L3MBTL4: variants seen among roughly 807,000 people sequenced by gnomAD.
L3MBTL4 encodes L3MBTL histone methyl-lysine binding protein 4.
In L3MBTL4, 70 loss-of-function variants were observed where a neutral mutation model predicts 84.5. The observed-to-expected ratio is 0.83, with a 90% CI of 0.68 to 1.01. L3MBTL4 has a LOEUF of 1.01. L3MBTL4 is among the 50% of genes least tolerant of loss of function. The probability of loss-of-function intolerance (pLI) is 0.00; values close to 1 mark genes in which losing one functional copy is unlikely to be tolerated. For missense variants in L3MBTL4, 715 were observed against 754.8 expected, an observed-to-expected ratio of 0.95 and a Z score of 0.62; for synonymous variants, 274 against 259.8, an observed-to-expected ratio of 1.05 and a Z score of -0.52.
chr18:6,257,636 TTTC>T (rs2048202174), intron 5 of L3MBTL4, among the ~76,000 whole-genome samples: 2 of 150,754 alleles, frequency 1.3e-5, no homozygotes, highest in South Asian at 4.2e-4. Flanking sequence ...TCTTTTTCTT[TTTC>T]TTTTTCTTTT....
chr18:6,062,077 C>T (rs973126399), intron 16 of L3MBTL4, among the ~76,000 whole-genome samples: 5 of 151,934 alleles, frequency 3.3e-5, no homozygotes, highest in African/African-American at 1.2e-4. Context: ...TTCTCTAATG[C>T]TCTTCCTTTA....
intron 16 of L3MBTL4, among the ~76,000 whole-genome samples, chr18:6,074,046 A>C (rs1192102672): frequency 6.6e-6 from 1 of 151,484 alleles, no homozygotes; most frequent in Non-Finnish European, 1.5e-5. Flanking sequence ...AGTTCCTTTA[A>C]TGTGAAGTGT....
At chr18:6,366,465 T>C (rs2053938145) in intron 1 of L3MBTL4, among the ~76,000 whole-genome samples, 1 of 152,216 alleles carries the variant, frequency 6.6e-6, no homozygotes. Context: ...ACTGAATTCT[T>C]AAGACAGAAA....
At chr18:6,185,960 C>CTATTTTATTTTATTTATTTTAT (rs976327212) in intron 12 of L3MBTL4, among the ~76,000 whole-genome samples, 1 of 145,786 alleles carries the variant, frequency 6.9e-6, no homozygotes, top group African/African-American at 2.7e-5. Flanking sequence ...AGGGCACTTT[C>CTATTTTATTTTATTTATTTTAT]TTTATTTTAT....
At chr18:6,076,663 A>G (rs1469054739) in intron 16 of L3MBTL4, among the ~76,000 whole-genome samples, 1 of 123,004 alleles carries the variant, frequency 8.1e-6, no homozygotes, top group Non-Finnish European at 1.6e-5. Flanking sequence ...ATATAATATG[A>G]TTCTGCACTG....
intron 16 of L3MBTL4, among the ~76,000 whole-genome samples, chr18:6,063,762 T>G (rs1458357138): frequency 2.0e-5 from 3 of 152,120 alleles, no homozygotes; most frequent in Non-Finnish European, 4.4e-5. Flanking sequence ...ACTAGTCCTT[T>G]GTTAAATGCA....
At chr18:6,375,591 T>A (rs901430510) in intron 1 of L3MBTL4, among the ~76,000 whole-genome samples, 1 of 152,118 alleles carries the variant, frequency 6.6e-6, no homozygotes. Flanking sequence ...CCTAGTTCCT[T>A]TACTTGAGCC....
intron 16 of L3MBTL4, among the ~76,000 whole-genome samples, chr18:5,989,715 T>A (rs564650103): frequency 6.6e-6 from 1 of 152,302 alleles, no homozygotes; most frequent in African/African-American, 2.4e-5. Context: ...TCCGCAGTTA[T>A]TATGTGCTCT....
At chr18:6,177,790 G>A (rs954649870) in intron 12 of L3MBTL4, among the ~76,000 whole-genome samples, 1 of 152,180 alleles carries the variant, frequency 6.6e-6, no homozygotes, top group African/African-American at 2.4e-5. Context: ...AGGCAACACT[G>A]GTGTTCCTTT....
intron 16 of L3MBTL4, among the ~76,000 whole-genome samples, chr18:6,016,978 TGAGCAGAGGGAGTGGTAAATGGCCCA>T (rs777924772): frequency 1.3e-5 from 2 of 151,638 alleles, no homozygotes; most frequent in African/African-American, 2.4e-5. Flanking sequence ...AGGGCAGAGC[TGAGCAGAGGGAGTGGTAAATGGCCCA>T]GAGCAGAGGG....
chr18:6,335,739 T>G (rs1464333638), intron 1 of L3MBTL4, among the ~76,000 whole-genome samples: 1 of 152,200 alleles, frequency 6.6e-6, no homozygotes, highest in Non-Finnish European at 1.5e-5. Context: ...GATGGTTTTA[T>G]AAGCATTTGA....
chr18:6,192,017 AG>A (rs1250766060), intron 12 of L3MBTL4, among the ~76,000 whole-genome samples: 7 of 131,078 alleles, frequency 5.3e-5, no homozygotes, highest in African/African-American at 3.2e-4. Flanking sequence ...AAAAAAAAAA[AG>A]AAAGAAAGAA....
At chr18:6,213,104 T>C (rs1190955080) in intron 12 of L3MBTL4, 45 bp downstream of exon 12, 1 of 1,091,466 alleles carries the variant, frequency 9.2e-7, no homozygotes, top group Non-Finnish European at 1.3e-6. Context: ...AAAAGTAATG[T>C]AGGAAAAATA....
chr18:6,293,936 T>C (rs748502694), intron 4 of L3MBTL4, among the ~76,000 whole-genome samples: 2 of 152,176 alleles, frequency 1.3e-5, no homozygotes, highest in Non-Finnish European at 2.9e-5. Flanking sequence ...TAATGTGACA[T>C]ATGATTCTGA....
chr18:5,994,735 C>T (rs1043506695), intron 16 of L3MBTL4, among the ~76,000 whole-genome samples: 6 of 152,164 alleles, frequency 3.9e-5, no homozygotes, highest in Non-Finnish European at 7.4e-5. Context: ...CTCCACCAAG[C>T]AGGGGCCCCA....
rs570635993 is a variant in L3MBTL4, at chr18:5,965,555, A to G, written c.1614+3838T>C. ...TCAGCCCTGAACTGCCATTCACATC[A>G]TTGCTGCCCTGCTCGTCATTTTTAC... On this transcript the variant is annotated intron_variant, in intron 17 of 18. Coordinates refer to ENST00000317931, the MANE Select transcript of L3MBTL4 (RefSeq NM_001330559.2). 2.6e-5 allele frequency among the ~76,000 whole-genome samples: 4 copies of G among 152,192 alleles called. No individual in the cohort carries two copies. The South Asian group carries it at 8.3e-4, about 32-fold the overall frequency.
intron 1 of L3MBTL4, among the ~76,000 whole-genome samples, chr18:6,411,400 G>A (rs1219718889): frequency 6.6e-6 from 1 of 152,132 alleles, no homozygotes; most frequent in Non-Finnish European, 1.5e-5. Context: ...AATGAAGGGA[G>A]GACATCTGTA....
chr18:6,282,722 C>T (rs1422858798), intron 4 of L3MBTL4, among the ~76,000 whole-genome samples: 1 of 152,090 alleles, frequency 6.6e-6, no homozygotes, highest in Non-Finnish European at 1.5e-5. Context: ...GGCTCATGTA[C>T]TGAAAAGAAC....
chr18:6,317,087 G>T (rs1281592080), intron 1 of L3MBTL4, among the ~76,000 whole-genome samples: 1 of 152,122 alleles, frequency 6.6e-6, no homozygotes, highest in African/African-American at 2.4e-5. Flanking sequence ...CAACCCCATA[G>T]GAGATGCTGA....
Sources: gnomAD v4.1 joint callset for allele counts (sites outside exome capture counted in the v4.1 genomes callset) on GRCh38, gnomAD v4.1.1 for gene constraint, MANE v1.5 for transcripts, NCBI Gene and HGNC (gene_info 2026-07-23, HGNC 2026-07-21) for gene names.